Variants in LSAMP observed in about 807,000 individuals in gnomAD.
LSAMP encodes limbic system associated membrane protein.
Under a neutral mutation model 38.6 loss-of-function variants are expected in LSAMP, and 7 were observed. The observed-to-expected ratio is 0.18, with a 90% CI of 0.10 to 0.34. The LOEUF (loss-of-function observed/expected upper bound fraction) is 0.34, where lower values mean the gene tolerates loss of function less well. Among genes scored for constraint, LSAMP ranks in the 10% least tolerant of loss-of-function variants. The probability of loss-of-function intolerance (pLI) is 1.00; values close to 1 mark genes in which losing one functional copy is unlikely to be tolerated. For synonymous variants in LSAMP, 154 were observed against 166.8 expected, an observed-to-expected ratio of 0.92 and a Z score of 0.59; for missense variants, 313 against 420.0, an observed-to-expected ratio of 0.75 and a Z score of 2.23.
At chr3:116,434,710 C>T (rs569334036) in intron 1 of LSAMP, among the ~76,000 whole-genome samples, 2 of 152,208 alleles carry the variant, frequency 1.3e-5, no homozygotes, top group African/African-American at 2.4e-5. Flanking sequence ...CACCACCAGG[C>T]CCAGCCAATT....
At chr3:116,138,274 C>T (rs1185932427) in intron 1 of LSAMP, among the ~76,000 whole-genome samples, 1 of 152,082 alleles carries the variant, frequency 6.6e-6, no homozygotes, top group African/African-American at 2.4e-5. Context: ...CTATTCTACA[C>T]AACTTGTGTT....
At chr3:116,166,797 T>TG (rs1710063405) in intron 1 of LSAMP, among the ~76,000 whole-genome samples, 1 of 146,130 alleles carries the variant, frequency 6.8e-6, no homozygotes, top group South Asian at 2.2e-4. Context: ...GTTTTTTTTT[T>TG]TTTTTTTGAG....
intron 1 of LSAMP, among the ~76,000 whole-genome samples, chr3:116,427,711 C>G (rs2049222628): frequency 6.6e-6 from 1 of 152,120 alleles, no homozygotes; most frequent in African/African-American, 2.4e-5. Context: ...GTAAGGAGCT[C>G]CAAAGCTAAG....
At chr3:116,212,014 T>C (rs754269339) in intron 1 of LSAMP, among the ~76,000 whole-genome samples, 7 of 152,150 alleles carry the variant, frequency 4.6e-5, no homozygotes, top group East Asian at 1.9e-4. Flanking sequence ...CAGGTTACAA[T>C]TGAGTTCTTC....
intron 6 of LSAMP, among the ~76,000 whole-genome samples, chr3:115,834,328 C>A (rs949929302): frequency 7.2e-5 from 11 of 152,072 alleles, no homozygotes; most frequent in African/African-American, 2.7e-4. Context: ...TTAGTATTGC[C>A]TTCACAGCTA....
intron 1 of LSAMP, among the ~76,000 whole-genome samples, chr3:116,229,296 CAG>C (rs2046375121): frequency 6.6e-6 from 1 of 152,074 alleles, no homozygotes; most frequent in Non-Finnish European, 1.5e-5. Context: ...AATATATTCT[CAG>C]AGTCTAAGTA....
intron 1 of LSAMP, among the ~76,000 whole-genome samples, chr3:116,211,776 G>A (rs952939454): frequency 6.6e-6 from 1 of 152,152 alleles, no homozygotes; most frequent in Admixed American, 6.5e-5. Context: ...AAGTAATTTT[G>A]GGCCAGAATT....
At chr3:116,343,913 C>A (rs187175196) in intron 1 of LSAMP, among the ~76,000 whole-genome samples, 14 of 152,086 alleles carry the variant, frequency 9.2e-5, no homozygotes, top group African/African-American at 3.1e-4. Context: ...AATCACTCTA[C>A]AAACACTATA....
At chr3:116,321,725 G>A in intron 1 of LSAMP, among the ~76,000 whole-genome samples, 1 of 152,070 alleles carries the variant, frequency 6.6e-6, no homozygotes, top group East Asian at 1.9e-4. Context: ...CTCATTCTTA[G>A]AACCATGAGA....
At chr3:115,902,289 G>A (rs745724370) in intron 3 of LSAMP, among the ~76,000 whole-genome samples, 16 of 151,944 alleles carry the variant, frequency 1.1e-4, no homozygotes, top group Non-Finnish European at 2.1e-4. Flanking sequence ...ATAAAGATAA[G>A]TGCCCATGTA....
chr3:116,257,369 TTTC>T (rs2046765473), intron 1 of LSAMP, among the ~76,000 whole-genome samples: 1 of 152,182 alleles, frequency 6.6e-6, no homozygotes, highest in South Asian at 2.1e-4. Context: ...GGGTTACTCT[TTTC>T]TTCTGTTTTT....
chr3:116,006,417 C>T (rs959477792), intron 3 of LSAMP, among the ~76,000 whole-genome samples: 9 of 152,102 alleles, frequency 5.9e-5, no homozygotes, highest in African/African-American at 2.2e-4. Flanking sequence ...CAAATTAAAT[C>T]CCCCAGTTTA....
chr3:116,298,422 AAGGGGGAAAAAAAAAACTGGGAGTT>A (rs750581207), intron 1 of LSAMP, among the ~76,000 whole-genome samples: 1 of 152,056 alleles, frequency 6.6e-6, no homozygotes, highest in Non-Finnish European at 1.5e-5. Context: ...ATGTGTTCAG[AAGGGGGAAAAAAAAAACTGGGAGTT>A]AGGAGGCTTT....
intron 3 of LSAMP, among the ~76,000 whole-genome samples, chr3:115,932,234 A>T (rs1314680327): frequency 2.0e-5 from 3 of 152,190 alleles, no homozygotes; most frequent in African/African-American, 4.8e-5. Flanking sequence ...ATAGATACTG[A>T]ACTTGTGTCT....
chr3:116,404,383 T>C (rs1267264704), intron 1 of LSAMP, among the ~76,000 whole-genome samples: 2 of 152,296 alleles, frequency 1.3e-5, no homozygotes, highest in East Asian at 3.9e-4. Flanking sequence ...ATATGCCAGT[T>C]AGTACCAGAC....
chr3:115,826,138 A>T (rs1457907051), intron 6 of LSAMP, among the ~76,000 whole-genome samples: 1 of 129,204 alleles, frequency 7.7e-6, no homozygotes, highest in East Asian at 2.0e-4. Flanking sequence ...TATTTGAGAC[A>T]GAGTCTCGAT....
intron 3 of LSAMP, among the ~76,000 whole-genome samples, chr3:116,002,331 G>C (rs1432960524): frequency 6.7e-6 from 1 of 150,272 alleles, no homozygotes; most frequent in African/African-American, 2.4e-5. Context: ...AGCATAAAAG[G>C]AAAAAAAAAG....
intron 1 of LSAMP, among the ~76,000 whole-genome samples, chr3:116,294,514 A>G (rs2047304157): frequency 6.6e-6 from 1 of 152,314 alleles, no homozygotes; most frequent in South Asian, 2.1e-4. Context: ...ACAGACTCTT[A>G]TAATAAAGAA....
At chr3:116,213,906 G>A (rs2046190595) in intron 1 of LSAMP, among the ~76,000 whole-genome samples, 1 of 152,152 alleles carries the variant, frequency 6.6e-6, no homozygotes, top group Non-Finnish European at 1.5e-5. Context: ...CTAGTGGCAA[G>A]GAGAAATTAA....
Sources: allele counts gnomAD v4.1 joint callset (sites outside exome capture counted in the v4.1 genomes callset), GRCh38; gene constraint gnomAD v4.1.1; transcripts MANE v1.5; gene names NCBI Gene and HGNC (gene_info 2026-07-23, HGNC 2026-07-21).